PTPRM: variants seen among roughly 807,000 people sequenced by gnomAD.
PTPRM encodes receptor-type tyrosine-protein phosphatase mu.
PTPRM carries 47 observed loss-of-function variants against 186.7 expected under a neutral mutation model. The ratio of observed to expected loss-of-function variants is 0.25; its 90% CI spans 0.20 to 0.32. The LOEUF is 0.32. Ranked by LOEUF, PTPRM falls within the 10% of genes least tolerant of loss-of-function variation. The pLI, the probability that PTPRM is intolerant of heterozygous loss-of-function variation, is 1.00. For synonymous variants in PTPRM, 668 were observed against 674.9 expected, an observed-to-expected ratio of 0.99 and a Z score of 0.16; for missense variants, 1,494 against 1,865.0, an observed-to-expected ratio of 0.80 and a Z score of 3.66.
chr18:7,991,520 G>A (rs751912329), intron 7 of PTPRM, among the ~76,000 whole-genome samples: 1 of 152,154 alleles, frequency 6.6e-6, no homozygotes, highest in African/African-American at 2.4e-5. Context: ...TTGCAAGGCA[G>A]TAGCACATAA....
At chr18:8,355,510 G>T (rs1841170) in intron 23 of PTPRM, among the ~76,000 whole-genome samples, 41,414 of 151,848 alleles carry the variant, frequency 0.27, 5,736 homozygotes, top group East Asian at 0.36. Flanking sequence ...GTCAGGAATT[G>T]GGCTTCAGCT....
chr18:7,785,382 A>C (rs945777046), intron 2 of PTPRM, among the ~76,000 whole-genome samples: 2 of 152,152 alleles, frequency 1.3e-5, no homozygotes, highest in East Asian at 3.9e-4. Context: ...ATTCATGCTG[A>C]AGTGTTAAAA....
At chr18:7,997,218 C>A (rs1246973422) in intron 7 of PTPRM, among the ~76,000 whole-genome samples, 1 of 152,010 alleles carries the variant, frequency 6.6e-6, no homozygotes, top group African/African-American at 2.4e-5. Context: ...CAGAAGAGAA[C>A]CTGTTAATAA....
intron 1 of PTPRM, among the ~76,000 whole-genome samples, chr18:7,707,826 C>T (rs2040128227): frequency 6.6e-6 from 1 of 152,146 alleles, no homozygotes; most frequent in East Asian, 1.9e-4. Context: ...AACACTCAGC[C>T]TCCTTGAGTT....
intron 5 of PTPRM, among the ~76,000 whole-genome samples, chr18:7,937,239 C>G (rs2051871762): frequency 6.6e-6 from 1 of 152,208 alleles, no homozygotes. Context: ...GGAGAGAAGA[C>G]CTACAGCCCT....
intron 7 of PTPRM, among the ~76,000 whole-genome samples, chr18:8,069,213 G>C (rs1253940162): frequency 1.3e-5 from 2 of 151,266 alleles, no homozygotes; most frequent in Admixed American, 6.6e-5. Context: ...CTAATGACAA[G>C]TTTGGAAGTA....
intron 2 of PTPRM, among the ~76,000 whole-genome samples, chr18:7,791,774 C>T (rs1272433595): frequency 3.3e-5 from 5 of 152,086 alleles, no homozygotes; most frequent in Non-Finnish European, 7.4e-5. Context: ...ATAATGATTA[C>T]TTTTTTGTTC....
chr18:7,991,990 C>T (rs962189593), intron 7 of PTPRM, among the ~76,000 whole-genome samples: 17 of 151,962 alleles, frequency 1.1e-4, no homozygotes, highest in African/African-American at 4.1e-4. Context: ...ATCGACCAGC[C>T]TCCAGAAAAA....
intron 2 of PTPRM, among the ~76,000 whole-genome samples, chr18:7,805,418 A>T (rs2044184355): frequency 6.6e-6 from 1 of 152,162 alleles, no homozygotes. Flanking sequence ...CCTCTTCAAT[A>T]ACCTGCTGTG....
chr18:8,011,528 T>C (rs1479501036), intron 7 of PTPRM, among the ~76,000 whole-genome samples: 1 of 152,244 alleles, frequency 6.6e-6, no homozygotes, highest in African/African-American at 2.4e-5. Flanking sequence ...CTGATACTTA[T>C]TCATTGCTCT....
chr18:7,705,306 TCTA>T, intron 1 of PTPRM, among the ~76,000 whole-genome samples: 2 of 151,824 alleles, frequency 1.3e-5, no homozygotes, highest in African/African-American at 4.8e-5. Context: ...TATCTATCTA[TCTA>T]TCTATCTATC....
At chr18:8,024,695 T>TTTTTC (rs1273708843) in intron 7 of PTPRM, among the ~76,000 whole-genome samples, 8 of 150,876 alleles carry the variant, frequency 5.3e-5, no homozygotes, top group African/African-American at 2.0e-4. Flanking sequence ...TTTTTTTTTT[T>TTTTTC]TTTACTGAGT....
chr18:7,667,591 A>T (rs1409865256), intron 1 of PTPRM, among the ~76,000 whole-genome samples: 2 of 152,266 alleles, frequency 1.3e-5, no homozygotes, highest in Admixed American at 6.5e-5. Flanking sequence ...TAAGCTAAGA[A>T]AAAAGGGAGT....
chr18:8,360,977 C>T (rs991794011), intron 23 of PTPRM: 6 of 152,204 alleles, frequency 3.9e-5, no homozygotes, highest in Admixed American at 3.3e-4. Context: ...GCATCATATA[C>T]TTCACATCCT....
At chr18:8,372,047 C>T (rs958744963) in intron 24 of PTPRM, among the ~76,000 whole-genome samples, 6 of 121,506 alleles carry the variant, frequency 4.9e-5, no homozygotes, top group South Asian at 2.9e-4. Context: ...TTCCTCTCCA[C>T]TCTATATTCT....
chr18:7,742,859 C>T (rs1330709720), intron 1 of PTPRM, among the ~76,000 whole-genome samples: 1 of 152,042 alleles, frequency 6.6e-6, no homozygotes, highest in Non-Finnish European at 1.5e-5. Flanking sequence ...AGAAAATTGT[C>T]AATCATTTCT....
intron 11 of PTPRM, among the ~76,000 whole-genome samples, chr18:8,109,129 T>A (rs1353825460): frequency 6.6e-6 from 1 of 152,226 alleles, no homozygotes; most frequent in Non-Finnish European, 1.5e-5. Context: ...TGAAGTGATG[T>A]TACTTGTACA....
At chr18:8,040,175 G>A (rs2086602564) in intron 7 of PTPRM, among the ~76,000 whole-genome samples, 1 of 152,132 alleles carries the variant, frequency 6.6e-6, no homozygotes, top group Non-Finnish European at 1.5e-5. Flanking sequence ...CATGTGGAGG[G>A]TAAAGAAGTT....
chr18:8,262,210 C>T (rs1342692685), intron 19 of PTPRM, among the ~76,000 whole-genome samples: 1 of 152,200 alleles, frequency 6.6e-6, no homozygotes. Flanking sequence ...CTGCCCTGAT[C>T]ACTTGTCTGT....
Sources: gnomAD v4.1 joint callset for allele counts (sites outside exome capture counted in the v4.1 genomes callset) on GRCh38, gnomAD v4.1.1 for gene constraint, MANE v1.5 for transcripts, NCBI Gene and HGNC (gene_info 2026-07-23, HGNC 2026-07-21) for gene names.